The following ZFHX3 variants were observed in gnomAD, a reference collection of about 807,000 sequenced individuals.
ZFHX3 encodes zinc finger homeobox 3.
A neutral mutation model predicts 279.1 loss-of-function variants in ZFHX3; 42 were observed. The observed-to-expected ratio is 0.15, with a 90% CI of 0.12 to 0.19. ZFHX3 has a LOEUF of 0.19. ZFHX3 is among the 10% of genes least tolerant of loss of function. ZFHX3 has a pLI of 1.00. For missense variants in ZFHX3, 4,981 were observed against 4,754.0 expected (o/e 1.05, Z -1.40); for synonymous variants, 2,293 against 1,957.8 (o/e 1.17, Z -4.52).
At position 73,198,430 on chromosome 16, in the gene ZFHX3, G is replaced by A. The variant is rs971122049; in HGVS notation, c.-1103-54599C>T. 2.0e-5 allele frequency among the ~76,000 whole-genome samples: 3 copies of A among 147,936 alleles called. No individual in the cohort carries two copies. In the Admixed American group the frequency reaches 2.1e-4, roughly 10 times the overall value. Reference sequence around the variant, plus strand: ...ATAAACTAAAAAATGCTTATTTTATGCAGAAAGGTATAATTCTGATTAATA... The same window carrying A: ...ATAAACTAAAAAATGCTTATTTTATACAGAAAGGTATAATTCTGATTAATA... On this transcript the variant is annotated intron_variant, in intron 5 of 17. Coordinates refer to the ZFHX3 transcript ENST00000641206.
intron 5 of ZFHX3, among the ~76,000 whole-genome samples, chr16:73,168,146 CA>C (rs1284004891): frequency 2.6e-5 from 4 of 152,110 alleles, no homozygotes; most frequent in African/African-American, 9.7e-5. Flanking sequence ...ACTTTTGTTT[CA>C]AAAGACTTCT....
chr16:72,893,549 A>G (rs2038822859), intron 3 of ZFHX3, among the ~76,000 whole-genome samples: 1 of 138,102 alleles, frequency 7.2e-6, no homozygotes, highest in Non-Finnish European at 1.6e-5. Context: ...ACTTTAAAAA[A>G]TGGATATGAT....
intron 2 of ZFHX3, among the ~76,000 whole-genome samples, chr16:73,481,843 G>A (rs2018875514): frequency 6.6e-6 from 1 of 151,942 alleles, no homozygotes; most frequent in African/African-American, 2.4e-5. Context: ...TTTAAAATAC[G>A]GCATACTCTC....
Position 73,401,808 on chromosome 16 carries a change from G to A in ZFHX3, c.-1291+54195C>T, listed in dbSNP as rs2017261654. ...AATTGGGTAATTGTTCCTCATGCCA[G>A]AGGGAACAAACGTCTCTCTTTGAAA... On this transcript the variant is annotated intron_variant, in intron 3 of 17. Transcript: ENST00000641206. 7.2e-5 allele frequency: 11 copies of A among 152,304 alleles called. No homozygotes were observed. In the South Asian group the frequency reaches 2.3e-3, roughly 32 times the overall value. The allele number at this position is 152,304 out of a possible 1,614,324, so 9.4% of individuals were successfully genotyped here.
At chr16:73,845,096 T>G (rs1961414713) in intron 1 of ZFHX3, among the ~76,000 whole-genome samples, 1 of 152,090 alleles carries the variant, frequency 6.6e-6, no homozygotes, top group Non-Finnish European at 1.5e-5. Context: ...GGAGGTTAGT[T>G]TGAATGGAGA....
chr16:73,800,587 T>C (rs1960117229), intron 1 of ZFHX3, among the ~76,000 whole-genome samples: 1 of 152,122 alleles, frequency 6.6e-6, no homozygotes, highest in Non-Finnish European at 1.5e-5. Context: ...TTCCCCCTGT[T>C]CTGAAGCTTG....
chr16:73,775,494 C>T (rs547846275), intron 1 of ZFHX3, among the ~76,000 whole-genome samples: 6 of 152,138 alleles, frequency 3.9e-5, no homozygotes, highest in Admixed American at 2.0e-4. Context: ...TCATTTCAGA[C>T]GGACTAATCC....
chr16:73,336,841 C>G (rs896382626), intron 3 of ZFHX3, among the ~76,000 whole-genome samples: 2 of 152,094 alleles, frequency 1.3e-5, no homozygotes, highest in African/African-American at 4.8e-5. Flanking sequence ...AACCCTTAGC[C>G]AAGTTTAAAA....
At chr16:73,538,126 G>C (rs748025512) in intron 2 of ZFHX3, among the ~76,000 whole-genome samples, 2 of 152,160 alleles carry the variant, frequency 1.3e-5, no homozygotes, top group Non-Finnish European at 2.9e-5. Flanking sequence ...TGAGCAGCAA[G>C]TCATCACGCA....
chr16:73,725,986 A>G (rs2053515352), intron 1 of ZFHX3, among the ~76,000 whole-genome samples: 1 of 152,186 alleles, frequency 6.6e-6, no homozygotes, highest in Non-Finnish European at 1.5e-5. Flanking sequence ...CATTAAATAA[A>G]TAGGTTTCAT....
At chr16:73,772,797 T>G (rs2054033224) in intron 1 of ZFHX3, among the ~76,000 whole-genome samples, 1 of 152,196 alleles carries the variant, frequency 6.6e-6, no homozygotes, top group Admixed American at 6.5e-5. Flanking sequence ...CTAATCTGGC[T>G]GTCACTAAAT....
intron 7 of ZFHX3, among the ~76,000 whole-genome samples, chr16:73,105,253 A>G (rs1966280555): frequency 1.3e-5 from 2 of 149,712 alleles, no homozygotes; most frequent in Non-Finnish European, 3.0e-5. Flanking sequence ...TTTTATATAT[A>G]TATATATGCA....
At chr16:73,042,142 T>A (rs563768332) in intron 1 of ZFHX3, among the ~76,000 whole-genome samples, 24 of 152,188 alleles carry the variant, frequency 1.6e-4, no homozygotes, top group Non-Finnish European at 3.2e-4. Context: ...GATGTTTGCA[T>A]ACTGAAGGGA....
At chr16:72,971,878 A>ATTTTTTTTTTTT (rs34508228) in intron 1 of ZFHX3, among the ~76,000 whole-genome samples, 1 of 95,468 alleles carries the variant, frequency 1.0e-5, no homozygotes, top group Non-Finnish European at 2.0e-5. Context: ...CTGCCTATTA[A>ATTTTTTTTTTTT]TTTTTTTTTT....
chr16:72,925,143 G>A (rs1959376436), intron 3 of ZFHX3, among the ~76,000 whole-genome samples: 1 of 152,188 alleles, frequency 6.6e-6, no homozygotes, highest in African/African-American at 2.4e-5. Context: ...AATAACCTGT[G>A]GGGCTGGAGC....
At chr16:72,955,688 G>A (rs917953201) in intron 2 of ZFHX3, among the ~76,000 whole-genome samples, 3 of 144,256 alleles carry the variant, frequency 2.1e-5, no homozygotes, top group Non-Finnish European at 4.5e-5. Flanking sequence ...TCTGGCAGGA[G>A]AATCGCTTGA....
chr16:72,966,275 T>C (rs1174332654), intron 1 of ZFHX3, among the ~76,000 whole-genome samples: 1 of 152,168 alleles, frequency 6.6e-6, no homozygotes, highest in East Asian at 1.9e-4. Context: ...AAAATCTCCA[T>C]GAGTTGGAAC....
intron 7 of ZFHX3, among the ~76,000 whole-genome samples, chr16:73,116,872 A>G (rs1966438375): frequency 6.6e-6 from 1 of 152,224 alleles, no homozygotes; most frequent in Non-Finnish European, 1.5e-5. Flanking sequence ...GAGAACACAG[A>G]AAAAGCCTGG....
chr16:72,847,978 T>C (rs114228737), intron 4 of ZFHX3, among the ~76,000 whole-genome samples: 5,333 of 151,950 alleles, frequency 0.035, 319 homozygotes, highest in African/African-American at 0.12. Context: ...GGGGAAGGGG[T>C]CAGGACAATG....
Sources: allele counts gnomAD v4.1 joint callset (sites outside exome capture counted in the v4.1 genomes callset), GRCh38; gene constraint gnomAD v4.1.1; transcripts MANE v1.5; gene names NCBI Gene and HGNC (gene_info 2026-07-23, HGNC 2026-07-21).